MRTFA: variants seen among roughly 807,000 people sequenced by gnomAD.
MRTFA encodes the protein myocardin-related transcription factor A.
In MRTFA, 20 loss-of-function variants were observed where a neutral mutation model predicts 83.5. The observed-to-expected ratio is 0.24, with a 90% CI of 0.17 to 0.35. MRTFA has a LOEUF of 0.35. MRTFA is among the 10% of genes least tolerant of loss of function. The pLI is 1.00. For synonymous variants in MRTFA, 659 were observed against 541.2 expected (o/e 1.22, Z -3.02); for missense variants, 1,200 against 1,224.7 (o/e 0.98, Z 0.30).
At chr22:40,618,098 G>A (rs771386400) in intron 1 of MRTFA, among the ~76,000 whole-genome samples, 21 of 150,530 alleles carry the variant, frequency 1.4e-4, no homozygotes, top group Non-Finnish European at 2.2e-4. Flanking sequence ...TTTTTGAGAC[G>A]GAGTCTCGCT....
At chr22:40,554,669 G>A (rs2055493759) in intron 2 of MRTFA, among the ~76,000 whole-genome samples, 1 of 152,180 alleles carries the variant, frequency 6.6e-6, no homozygotes, top group Non-Finnish European at 1.5e-5. Flanking sequence ...TTTGAGAACA[G>A]ACTAATAGAC....
intron 3 of MRTFA, among the ~76,000 whole-genome samples, chr22:40,485,935 T>C (rs2054167970): frequency 6.6e-6 from 1 of 152,204 alleles, no homozygotes; most frequent in Non-Finnish European, 1.5e-5. Flanking sequence ...ATGTTCTTGT[T>C]CTTGCTAGAG....
chr22:40,557,117 A>G (rs1328013394), intron 2 of MRTFA, among the ~76,000 whole-genome samples: 1 of 152,220 alleles, frequency 6.6e-6, no homozygotes, highest in Non-Finnish European at 1.5e-5. Flanking sequence ...TTAACACAAA[A>G]CAAGCATTCT....
chr22:40,562,600 A>G (rs1602432893), intron 2 of MRTFA, among the ~76,000 whole-genome samples: 2 of 72,780 alleles, frequency 2.7e-5, no homozygotes, highest in African/African-American at 5.4e-5. Flanking sequence ...AAAGGGAAGG[A>G]GGGGAAGGGG....
At chr22:40,517,978 G>A (rs2054789444) in intron 3 of MRTFA, among the ~76,000 whole-genome samples, 1 of 152,154 alleles carries the variant, frequency 6.6e-6, no homozygotes, top group African/African-American at 2.4e-5. Flanking sequence ...AAAAAGGACA[G>A]GGTTTGGAGA....
In MRTFA at chr22:40,595,331, C is replaced by G. The variant is rs1246574911; in HGVS notation, c.-83-596G>C. Among the ~76,000 whole-genome samples the G allele has an allele frequency of 2.0e-5, 3 of 151,696 alleles. No individual in the cohort carries two copies. The East Asian group carries it at 5.8e-4, about 29-fold the overall frequency. On this transcript the variant is annotated intron_variant, in intron 1 of 14. Coordinates refer to ENST00000355630, the MANE Select transcript of MRTFA (RefSeq NM_020831.6). ...GGAGACGGGGTTTCACCATGTTGGC[C>G]AGGATGGTCTCGATCTCCTGACCTC...
chr22:40,546,601 T>C (rs1031324189), intron 3 of MRTFA, among the ~76,000 whole-genome samples: 1 of 152,228 alleles, frequency 6.6e-6, no homozygotes, highest in Non-Finnish European at 1.5e-5. Context: ...CATAAAGCAG[T>C]TGAGTCTCTG....
intron 1 of MRTFA, among the ~76,000 whole-genome samples, chr22:40,607,562 T>C (rs1217166299): frequency 4.7e-5 from 7 of 150,180 alleles, no homozygotes; most frequent in Non-Finnish European, 1.0e-4. Context: ...AAATCAGAAA[T>C]CTTCTCTTAA....
chr22:40,457,566 C>T (rs1336879355), intron 4 of MRTFA, among the ~76,000 whole-genome samples: 1 of 151,898 alleles, frequency 6.6e-6, no homozygotes, highest in East Asian at 1.9e-4. Context: ...AGTAATCAAT[C>T]CTGGCACTTT....
chr22:40,617,208 G>A (rs1468600631), intron 1 of MRTFA, among the ~76,000 whole-genome samples: 4 of 122,384 alleles, frequency 3.3e-5, no homozygotes, highest in Middle Eastern at 4.1e-3. Context: ...GAGGGAGGGA[G>A]GGAGGGAGGG....
chr22:40,611,763 A>G (rs1168502930), intron 1 of MRTFA, among the ~76,000 whole-genome samples: 1 of 152,228 alleles, frequency 6.6e-6, no homozygotes, highest in African/African-American at 2.4e-5. Flanking sequence ...ATAAAAGTCT[A>G]CATTAGTCAT....
intron 4 of MRTFA, among the ~76,000 whole-genome samples, chr22:40,442,098 C>T (rs2053288471): frequency 2.0e-5 from 3 of 152,114 alleles, no homozygotes; most frequent in African/African-American, 7.2e-5. Context: ...AATGAGTCTT[C>T]TAGGATTCAC....
chr22:40,441,660 G>A (rs956421692), intron 4 of MRTFA, among the ~76,000 whole-genome samples: 3 of 151,908 alleles, frequency 2.0e-5, no homozygotes, highest in African/African-American at 4.8e-5. Context: ...GGTGGTGCGC[G>A]CCTATAATCC....
At chr22:40,511,042 T>C (rs2054658865) in intron 3 of MRTFA, among the ~76,000 whole-genome samples, 1 of 152,136 alleles carries the variant, frequency 6.6e-6, no homozygotes, top group Admixed American at 6.5e-5. Context: ...GGAAGAATTC[T>C]GAGCAGGAGA....
chr22:40,495,877 C>A (rs4342029), intron 3 of MRTFA, among the ~76,000 whole-genome samples: 5,461 of 151,096 alleles, frequency 0.036, 269 homozygotes, highest in African/African-American at 0.11. Context: ...ACCAGCCTGA[C>A]CAACATGGTG....
chr22:40,452,694 C>G (rs1293992292), intron 4 of MRTFA, among the ~76,000 whole-genome samples: 1 of 151,386 alleles, frequency 6.6e-6, no homozygotes, highest in African/African-American at 2.4e-5. Context: ...GCCTGTAATC[C>G]CAGCTACCTA....
intron 4 of MRTFA, among the ~76,000 whole-genome samples, chr22:40,449,714 T>C (rs1008078630): frequency 1.3e-5 from 2 of 152,230 alleles, no homozygotes; most frequent in African/African-American, 4.8e-5. Context: ...ATTTTCTCAA[T>C]AGCTTGATTC....
In MRTFA at chr22:40,410,413, G is replaced by T. The variant is rs1327919482; in HGVS notation, c.*977C>A. ...CCAGAATGTGAAGCCAGTGGCCCCA[G>T]GGCAGGAGATGGCCACCCCTCAGCC... is the stretch of plus-strand genomic sequence containing the variant. On this transcript the variant is annotated 3_prime_UTR_variant, in exon 15 of 15. Transcript: ENST00000355630. 8 of 236,176 alleles carry T rather than the reference G, an allele frequency of 3.4e-5. No individual in the cohort carries two copies. Among genetic ancestry groups the T allele is most frequent in the Non-Finnish European group, 6.6e-5 (8 of 120,564 alleles). 14.6% of individuals were successfully genotyped at this position (236,176 alleles called of 1,614,324 possible). A position where few individuals can be genotyped will look rare whatever the true frequency, so the allele number is the denominator to read the frequency against.
chr22:40,423,336 T>C (rs910150615), intron 9 of MRTFA, among the ~76,000 whole-genome samples, 200 bp downstream of exon 9: 7 of 152,112 alleles, frequency 4.6e-5, no homozygotes, highest in Admixed American at 1.3e-4. Flanking sequence ...GGCCAGCCCA[T>C]AGCCACGAAT....
Sources: allele counts gnomAD v4.1 joint callset (sites outside exome capture counted in the v4.1 genomes callset), GRCh38; gene constraint gnomAD v4.1.1; transcripts MANE v1.5; gene names NCBI Gene and HGNC (gene_info 2026-07-23, HGNC 2026-07-21).